AGBL4: variants seen among roughly 807,000 people sequenced by gnomAD.
The protein encoded by AGBL4 is AGBL carboxypeptidase 4, also known as cytosolic carboxypeptidase 6.
In AGBL4, 58 loss-of-function variants were observed where a neutral mutation model predicts 66.4. The ratio of observed to expected loss-of-function variants is 0.87; its 90% CI spans 0.71 to 1.09. AGBL4 has a LOEUF of 1.09. AGBL4 is among the 50% of genes least tolerant of loss of function. AGBL4 has a pLI of 0.00. For synonymous variants in AGBL4, 234 were observed against 222.9 expected, an observed-to-expected ratio of 1.05 and a Z score of -0.44; for missense variants, 579 against 631.0, an observed-to-expected ratio of 0.92 and a Z score of 0.88.
intron 2 of AGBL4, among the ~76,000 whole-genome samples, chr1:49,786,049 G>A (rs1229369192): frequency 1.3e-5 from 2 of 151,898 alleles, no homozygotes; most frequent in Non-Finnish European, 2.9e-5. Flanking sequence ...CCATCCCATT[G>A]ATGCTTTTAC....
At chr1:49,855,984 A>G (rs565334604) in intron 1 of AGBL4, among the ~76,000 whole-genome samples, 9 of 152,114 alleles carry the variant, frequency 5.9e-5, no homozygotes, top group African/African-American at 2.2e-4. Flanking sequence ...GATAAAATCG[A>G]TAAACTGCTA....
chr1:49,069,325 G>A (rs550160600), intron 4 of AGBL4, among the ~76,000 whole-genome samples: 13 of 152,168 alleles, frequency 8.5e-5, no homozygotes, highest in Non-Finnish European at 1.9e-4. Flanking sequence ...GTCCTGAATG[G>A]TATTGCCTAG....
chr1:49,264,970 C>T (rs1653579904), intron 3 of AGBL4, among the ~76,000 whole-genome samples: 1 of 152,104 alleles, frequency 6.6e-6, no homozygotes, highest in Non-Finnish European at 1.5e-5. Flanking sequence ...CTTTTCTTAT[C>T]TTTTATGGTT....
At chr1:48,553,067 C>G (rs944844171) in intron 11 of AGBL4, among the ~76,000 whole-genome samples, 19 of 152,236 alleles carry the variant, frequency 1.2e-4, no homozygotes, top group African/African-American at 3.6e-4. Context: ...ATTAATCTCT[C>G]TCTCCAAATC....
intron 6 of AGBL4, among the ~76,000 whole-genome samples, chr1:48,701,319 C>T (rs1646796986): frequency 6.6e-6 from 1 of 152,198 alleles, no homozygotes; most frequent in Non-Finnish European, 1.5e-5. Flanking sequence ...GACACTGCTT[C>T]CTGGTCCTAT....
intron 3 of AGBL4, chr1:49,691,368 T>C (rs1646883222): frequency 6.5e-6 from 1 of 153,460 alleles, no homozygotes; most frequent in South Asian, 2.1e-4. Flanking sequence ...CATGATGATG[T>C]TGCTGACCTG....
At chr1:48,889,054 G>A (rs753527204) in intron 5 of AGBL4, among the ~76,000 whole-genome samples, 13 of 152,178 alleles carry the variant, frequency 8.5e-5, no homozygotes, top group Non-Finnish European at 1.6e-4. Flanking sequence ...GGATCCACAT[G>A]TAAAGTTCAT....
chr1:49,268,839 A>T (rs765639604), intron 3 of AGBL4, among the ~76,000 whole-genome samples: 2 of 152,202 alleles, frequency 1.3e-5, no homozygotes, highest in Non-Finnish European at 2.9e-5. Context: ...TACAAATCAT[A>T]TGTGCTAGAC....
intron 4 of AGBL4, among the ~76,000 whole-genome samples, chr1:49,212,476 T>C (rs567797881): frequency 1.3e-5 from 2 of 152,312 alleles, no homozygotes; most frequent in Non-Finnish European, 2.9e-5. Context: ...CCAGAAATTA[T>C]ATTTGCCATC....
At chr1:48,534,838 A>G in intron 13 of AGBL4, 52 bp downstream of exon 13, 1 of 1,507,418 alleles carries the variant, frequency 6.6e-7, no homozygotes, top group East Asian at 2.5e-5. Context: ...GCCCTGGAGC[A>G]CATGCATGGT....
intron 4 of AGBL4, among the ~76,000 whole-genome samples, chr1:49,128,526 A>C (rs887882526): frequency 4.6e-5 from 7 of 152,190 alleles, no homozygotes; most frequent in Admixed American, 3.9e-4. Flanking sequence ...GATGGAACAG[A>C]GTCGAGCTCA....
intron 3 of AGBL4, among the ~76,000 whole-genome samples, chr1:49,298,903 C>T (rs1030272133): frequency 3.3e-5 from 5 of 152,080 alleles, no homozygotes; most frequent in East Asian, 3.9e-4. Flanking sequence ...TCTAGCCACT[C>T]GTATGTGTGT....
At chr1:49,661,830 G>T (rs1646274990) in intron 3 of AGBL4, among the ~76,000 whole-genome samples, 1 of 151,890 alleles carries the variant, frequency 6.6e-6, no homozygotes, top group South Asian at 2.1e-4. Flanking sequence ...CCTAATTATA[G>T]GCATTTACCC....
Position 49,477,036 on chromosome 1 carries a change from CAGAT to C in AGBL4, c.282+220273_282+220276del, listed in dbSNP as rs533696622. On this transcript the variant is annotated intron_variant, in intron 3 of 13. Transcript: ENST00000371839. Reference sequence around the variant, plus strand: ...GGACTGCATCTCATGATTTGAGTGTCAGATAGGCCACACTAAAATAGAATACCAG... The same window carrying C: ...GGACTGCATCTCATGATTTGAGTGTCAGGCCACACTAAAATAGAATACCAG... Among the ~76,000 whole-genome samples, 511 of 152,192 alleles carry C rather than the reference CAGAT, an allele frequency of 3.4e-3. 5 individuals are homozygous for C. Among genetic ancestry groups the C allele is most frequent in the African/African-American group, 0.012 (493 of 41,534 alleles).
chr1:48,828,110 T>G (rs1309850674), intron 6 of AGBL4, among the ~76,000 whole-genome samples: 1 of 147,794 alleles, frequency 6.8e-6, no homozygotes, highest in African/African-American at 2.5e-5. Flanking sequence ...GCAGAAGAAT[T>G]GCTTGAACCC....
At chr1:49,464,042 C>T (rs1342950598) in intron 3 of AGBL4, among the ~76,000 whole-genome samples, 1 of 151,608 alleles carries the variant, frequency 6.6e-6, no homozygotes. Context: ...GACTGAGAGA[C>T]AGTCTAAAGC....
chr1:49,381,323 G>C (rs965903398), intron 3 of AGBL4, among the ~76,000 whole-genome samples: 3 of 152,140 alleles, frequency 2.0e-5, no homozygotes, highest in Admixed American at 1.3e-4. Flanking sequence ...TTAGAATGGC[G>C]ATCACTAAAA....
intron 3 of AGBL4, among the ~76,000 whole-genome samples, chr1:49,462,616 A>G (rs1189371079): frequency 1.3e-5 from 2 of 151,800 alleles, no homozygotes; most frequent in Non-Finnish European, 2.9e-5. Flanking sequence ...AAAAGCATTA[A>G]AGACTATTTC....
At chr1:48,776,512 G>C (rs1165263013) in intron 6 of AGBL4, 10 of 921,770 alleles carry the variant, frequency 1.1e-5, no homozygotes, top group East Asian at 3.3e-5. Flanking sequence ...GCAAGCAGTG[G>C]CTCCCCCCGG....
Sources: allele counts gnomAD v4.1 joint callset (sites outside exome capture counted in the v4.1 genomes callset), GRCh38; gene constraint gnomAD v4.1.1; transcripts MANE v1.5; gene names NCBI Gene and HGNC (gene_info 2026-07-23, HGNC 2026-07-21).